The following ANKS1B variants were observed in gnomAD, a reference collection of about 807,000 sequenced individuals.
ANKS1B encodes ankyrin repeat and sterile alpha motif domain containing 1B, also known as ankyrin repeat and sterile alpha motif domain-containing protein 1B.
Under a neutral mutation model 148.3 loss-of-function variants are expected in ANKS1B, and 36 were observed. That is an observed-to-expected ratio of 0.24 (90% CI 0.19 to 0.32). The LOEUF (loss-of-function observed/expected upper bound fraction) is 0.32, where lower values mean the gene tolerates loss of function less well. Among genes scored for constraint, ANKS1B ranks in the 10% least tolerant of loss-of-function variants. ANKS1B has a pLI of 1.00. For missense variants in ANKS1B, 1,157 were observed against 1,542.6 expected (o/e 0.75, Z 4.19); for synonymous variants, 542 against 560.8 (o/e 0.97, Z 0.47).
rs557749358 is a variant in ANKS1B, at chr12:99,687,919, T to G, written c.1129-32709A>C. Among the ~76,000 whole-genome samples, 111 of 152,354 alleles carry G rather than the reference T, an allele frequency of 7.3e-4. 1 individual carries two copies. The highest frequency in any genetic ancestry group is 1.2e-3 in the Non-Finnish European group (80 of 68,036). ...AATTTTACATTGTTAGGTGCCAGAT[T>G]TTGTTATATTCTTTATAACCAGGAC... On this transcript the variant is annotated intron_variant, in intron 8 of 26. Transcript: ENST00000683438.
intron 17 of ANKS1B, among the ~76,000 whole-genome samples, chr12:98,966,992 A>G (rs1302474554): frequency 1.3e-5 from 2 of 152,182 alleles, no homozygotes; most frequent in East Asian, 3.8e-4. Flanking sequence ...TACATATGTA[A>G]CAAACCTGCA....
intron 14 of ANKS1B, among the ~76,000 whole-genome samples, chr12:99,169,171 T>G (rs963148346): frequency 6.6e-6 from 1 of 152,196 alleles, no homozygotes; most frequent in Non-Finnish European, 1.5e-5. Flanking sequence ...TATAGCCTTG[T>G]GGAGAAAATG....
intron 2 of ANKS1B, among the ~76,000 whole-genome samples, chr12:99,814,965 A>G (rs1483040902): frequency 6.6e-6 from 1 of 151,810 alleles, no homozygotes; most frequent in East Asian, 1.9e-4. Context: ...AATTTAGCCT[A>G]CTACAAAATA....
At chr12:99,956,094 C>T (rs568074314) in intron 1 of ANKS1B, among the ~76,000 whole-genome samples, 286 of 151,960 alleles carry the variant, frequency 1.9e-3, no homozygotes, top group African/African-American at 6.6e-3. Flanking sequence ...GTCTGGACAA[C>T]ATGGTGAAAC....
Position 99,175,270 on chromosome 12 carries a change from T to C in ANKS1B, c.2420-20875A>G, listed in dbSNP as rs182869130. Among the ~76,000 whole-genome samples, 8 of 152,302 alleles carry C rather than the reference T, an allele frequency of 5.3e-5. No homozygotes were observed. In the East Asian group the frequency reaches 7.7e-4, roughly 15 times the overall value. On this transcript the variant is annotated intron_variant, in intron 14 of 26. Transcript: ENST00000683438. ...GAGCAAAGTTTCCCAGATTCTACCG[T>C]GGTTGTGTTACAAGTTAAGTATTCC...
intron 25 of ANKS1B, among the ~76,000 whole-genome samples, chr12:98,758,780 C>A (rs1228610094): frequency 6.6e-5 from 8 of 120,630 alleles, no homozygotes; most frequent in Non-Finnish European, 1.2e-4. Flanking sequence ...CTTTTCCTTC[C>A]TTTTTTTTTT....
At chr12:99,037,759 G>A (rs536144157) in intron 17 of ANKS1B, among the ~76,000 whole-genome samples, 1 of 152,274 alleles carries the variant, frequency 6.6e-6, no homozygotes, top group South Asian at 2.1e-4. Flanking sequence ...AAAGCTGTTT[G>A]CCAGGGGAGC....
chr12:99,236,068 AT>A (rs1283382147), intron 14 of ANKS1B, among the ~76,000 whole-genome samples: 1 of 152,076 alleles, frequency 6.6e-6, no homozygotes, highest in South Asian at 2.1e-4. Context: ...AGGAATCTTC[AT>A]TTTTCACCAG....
At chr12:99,224,917 G>T (rs183518776) in intron 14 of ANKS1B, among the ~76,000 whole-genome samples, 8 of 152,274 alleles carry the variant, frequency 5.3e-5, no homozygotes, top group Non-Finnish European at 5.9e-5. Flanking sequence ...GGTCATGCGT[G>T]TAATTTTATC....
intron 17 of ANKS1B, among the ~76,000 whole-genome samples, chr12:98,869,419 G>A (rs140557783): frequency 1.8e-4 from 28 of 152,132 alleles, no homozygotes; most frequent in African/African-American, 6.0e-4. Flanking sequence ...TCCTGAGTCC[G>A]GACAAGACTT....
chr12:99,767,724 T>G (rs1244091244), intron 8 of ANKS1B, among the ~76,000 whole-genome samples: 2 of 152,158 alleles, frequency 1.3e-5, no homozygotes, highest in Non-Finnish European at 2.9e-5. Flanking sequence ...TGGTTTCAGA[T>G]GCATATTATA....
intron 14 of ANKS1B, among the ~76,000 whole-genome samples, chr12:99,173,279 GAA>G (rs1323026874): frequency 6.6e-6 from 1 of 152,070 alleles, no homozygotes; most frequent in African/African-American, 2.4e-5. Flanking sequence ...TTATAAATCA[GAA>G]GCCAGAAAAA....
chr12:99,528,616 A>C (rs566376911), intron 9 of ANKS1B, among the ~76,000 whole-genome samples: 1 of 152,200 alleles, frequency 6.6e-6, no homozygotes, highest in African/African-American at 2.4e-5. Flanking sequence ...CATGAATAAA[A>C]TGATTCATTT....
intron 9 of ANKS1B, among the ~76,000 whole-genome samples, chr12:99,577,082 G>A (rs1164983216): frequency 6.6e-6 from 1 of 151,602 alleles, no homozygotes; most frequent in Non-Finnish European, 1.5e-5. Flanking sequence ...TTTGTAGAGG[G>A]GAGTTTAAAA....
chr12:99,819,810 G>T (rs758859176), intron 2 of ANKS1B, among the ~76,000 whole-genome samples: 1 of 151,258 alleles, frequency 6.6e-6, no homozygotes, highest in Non-Finnish European at 1.5e-5. Flanking sequence ...GAAAAGAAGA[G>T]AGGAGAAAAG....
chr12:99,787,756 G>A (rs1208162543), intron 4 of ANKS1B, among the ~76,000 whole-genome samples: 1 of 152,218 alleles, frequency 6.6e-6, no homozygotes, highest in African/African-American at 2.4e-5. Flanking sequence ...CACGGGCGCT[G>A]CCCCTCTCCC....
Position 99,122,999 on chromosome 12 carries a change from T to A in ANKS1B, c.2526+31290A>T, listed in dbSNP as rs528074855. ...TAAATCAGTAAAATTAAAAAAAAAA[T>A]ATATATATATATATAAACATGTATA... On this transcript the variant is annotated intron_variant, in intron 15 of 26. Transcript: ENST00000683438. 8.7e-3 allele frequency among the ~76,000 whole-genome samples: 1,259 copies of A among 144,598 alleles called. 15 individuals are homozygous for A. The highest frequency in any genetic ancestry group is 0.018 in the Middle Eastern group (5 of 280). 94.9% of individuals were successfully genotyped at this position (144,598 alleles called of 152,430 possible).
chr12:98,901,670 A>G (rs908994473), intron 17 of ANKS1B, among the ~76,000 whole-genome samples: 5 of 152,228 alleles, frequency 3.3e-5, no homozygotes, highest in Admixed American at 6.5e-5. Flanking sequence ...TAGAGGGCAC[A>G]AAATAGAAGT....
intron 17 of ANKS1B, among the ~76,000 whole-genome samples, chr12:98,863,158 C>A (rs2099608006): frequency 6.6e-6 from 1 of 152,184 alleles, no homozygotes. Flanking sequence ...CCAGTCTTGT[C>A]CTGCATAATT....
Sources: allele counts gnomAD v4.1 joint callset (sites outside exome capture counted in the v4.1 genomes callset), GRCh38; gene constraint gnomAD v4.1.1; transcripts MANE v1.5; gene names NCBI Gene and HGNC (gene_info 2026-07-23, HGNC 2026-07-21).